FAT3: variants seen among roughly 807,000 people sequenced by gnomAD.
FAT3 encodes FAT atypical cadherin 3, also known as protocadherin Fat 3.
A neutral mutation model predicts 310.2 loss-of-function variants in FAT3; 95 were observed. That is an observed-to-expected ratio of 0.31 (90% confidence interval 0.26 to 0.36). The LOEUF (loss-of-function observed/expected upper bound fraction) is 0.36, where lower values mean the gene tolerates loss of function less well. Among genes scored for constraint, FAT3 ranks in the 10% least tolerant of loss-of-function variants. FAT3 has a pLI of 1.00. For synonymous variants in FAT3, 2,314 were observed against 2,192.9 expected (o/e 1.06, Z -1.54); for missense variants, 5,408 against 5,715.6 (o/e 0.95, Z 1.74).
At chr11:92,521,982 A>G (rs996443090) in intron 2 of FAT3, among the ~76,000 whole-genome samples, 1 of 151,984 alleles carries the variant, frequency 6.6e-6, no homozygotes, top group Non-Finnish European at 1.5e-5. Context: ...TCTCCAAAGG[A>G]CTGGGAGTCT....
intron 3 of FAT3, among the ~76,000 whole-genome samples, chr11:92,687,841 A>G (rs1198919927): frequency 6.6e-6 from 1 of 152,046 alleles, no homozygotes; most frequent in African/African-American, 2.4e-5. Context: ...GATGGAAGCC[A>G]GTATAGTATG....
At chr11:92,683,261 C>A (rs1476957466) in intron 3 of FAT3, among the ~76,000 whole-genome samples, 5 of 152,116 alleles carry the variant, frequency 3.3e-5, no homozygotes, top group African/African-American at 1.2e-4. Flanking sequence ...CACTTCCACA[C>A]TGAAAGTTAA....
chr11:92,259,637 T>C (rs1415896395), intron 1 of FAT3, among the ~76,000 whole-genome samples: 1 of 152,098 alleles, frequency 6.6e-6, no homozygotes, highest in East Asian at 1.9e-4. Context: ...TATGGATGTG[T>C]TTGTGCTCAG....
chr11:92,335,381 T>C (rs1431493310), intron 1 of FAT3, among the ~76,000 whole-genome samples: 1 of 152,170 alleles, frequency 6.6e-6, no homozygotes, highest in East Asian at 1.9e-4. Context: ...ATCGATTAGA[T>C]GATGGACAGA....
intron 1 of FAT3, among the ~76,000 whole-genome samples, chr11:92,320,876 A>AG (rs1466599493): frequency 7.5e-6 from 1 of 133,812 alleles, no homozygotes; most frequent in Non-Finnish European, 1.5e-5. Context: ...TCTCAAAAAA[A>AG]AAAAGGGGGG....
At chr11:92,725,839 T>C (rs920823067) in intron 4 of FAT3, among the ~76,000 whole-genome samples, 5 of 152,182 alleles carry the variant, frequency 3.3e-5, no homozygotes, top group African/African-American at 1.2e-4. Flanking sequence ...GTGGAATAAT[T>C]GCAAAAGCCT....
chr11:92,368,569 C>T (rs907140222), intron 2 of FAT3, among the ~76,000 whole-genome samples: 2 of 152,116 alleles, frequency 1.3e-5, no homozygotes, highest in African/African-American at 2.4e-5. Flanking sequence ...AGAACCACAT[C>T]TTCTAGTGAC....
In FAT3 at chr11:92,790,101, T is replaced by C; in HGVS notation, c.4494T>C (p.His1498=). The change falls in exon 8 of 28, where the codon CAT becomes CAC. Residue 1498 remains histidine (H), a synonymous_variant. Transcript: ENST00000525166. ...DEKHKLSYTV[H]SSIDSISMRK... is the part of the protein sequence containing the mutation. ...AGCACAAGCTGAGCTACACTGTTCATAGCAGCATCGACTCCATCAGCATGA... is the reference window on the plus strand; with the variant it reads ...AGCACAAGCTGAGCTACACTGTTCACAGCAGCATCGACTCCATCAGCATGA... The C allele has an allele frequency of 6.2e-7, 1 of 1,613,846 alleles. No individual in the cohort carries two copies. The highest frequency in any genetic ancestry group is 8.5e-7 in the Non-Finnish European group (1 of 1,179,762).
At position 92,798,141 on chromosome 11, in the gene FAT3, A is replaced by G. The variant is rs1403915300; in HGVS notation, c.5128A>G (p.Ile1710Val). 3 of 1,613,988 alleles carry G rather than the reference A, an allele frequency of 1.9e-6. No individual in the cohort carries two copies. The highest frequency in any genetic ancestry group is 2.2e-5 in the South Asian group (2 of 91,086). The change falls in exon 10 of 28, where the codon ATT becomes GTT. Residue 1710 changes from isoleucine to valine, a missense_variant. Ile to Val is a conservative substitution (Grantham distance 29). Transcript: ENST00000525166. The stretch of plus-strand genomic sequence containing the variant: ...CATTTATGAAGTCAAAGATGGAGAC[A>G]TTAATGGGATCTTTACCATAAATCC... ...TLIYEVKDGDINGIFTINPYS... is the reference protein window; with the variant it reads ...TLIYEVKDGDVNGIFTINPYS...
intron 13 of FAT3, among the ~76,000 whole-genome samples, chr11:92,828,661 G>GAA (rs1948160273): frequency 6.6e-6 from 1 of 152,142 alleles, no homozygotes; most frequent in African/African-American, 2.4e-5. Context: ...TGGTAAAGCA[G>GAA]AAAAACCCTG....
chr11:92,672,528 A>G (rs531004153), intron 3 of FAT3, among the ~76,000 whole-genome samples: 85 of 152,334 alleles, frequency 5.6e-4, no homozygotes, highest in Non-Finnish European at 8.5e-4. Context: ...GGTGACAAAC[A>G]AAGTAGCAGA....
rs1211391584 is a variant in FAT3, at chr11:92,800,070, G to A, written c.7057G>A (p.Asp2353Asn). 2 of 1,613,906 alleles carry A rather than the reference G, an allele frequency of 1.2e-6. No individual in the cohort carries two copies. Among genetic ancestry groups the A allele is most frequent in the Non-Finnish European group, 1.7e-6 (2 of 1,179,866 alleles). ...CTTAATCCTGACAGCACGAATGCTGGACCATGAGTTAGTACAACACTGCAC... is the reference window on the plus strand; with the variant it reads ...CTTAATCCTGACAGCACGAATGCTGAACCATGAGTTAGTACAACACTGCAC... ...SGLILTARML[D>N]HELVQHCTLK... Residue 2353 changes from aspartate (D) to asparagine (N), a missense_variant, in exon 10 of 28, where the codon GAC becomes AAC. By Grantham distance (23) the Asp-to-Asn change is conservative. Transcript: ENST00000525166.
chr11:92,394,519 T>G (rs1233824595), intron 2 of FAT3, among the ~76,000 whole-genome samples: 1 of 152,110 alleles, frequency 6.6e-6, no homozygotes, highest in Non-Finnish European at 1.5e-5. Flanking sequence ...TCTTATTATT[T>G]TGGGGCAACA....
intron 19 of FAT3, among the ~76,000 whole-genome samples, chr11:92,849,849 A>T (rs543745627): frequency 1.3e-5 from 2 of 152,264 alleles, no homozygotes; most frequent in South Asian, 2.1e-4. Flanking sequence ...GGCTGATGTG[A>T]TCCCCATTCC....
intron 1 of FAT3, among the ~76,000 whole-genome samples, chr11:92,239,592 T>C (rs1187166): frequency 0.2 from 30,352 of 152,026 alleles, 3,227 homozygotes; most frequent in East Asian, 0.38. Flanking sequence ...AACTTCAGAA[T>C]TGCTTTGAGT....
intron 6 of FAT3, among the ~76,000 whole-genome samples, chr11:92,768,422 A>C (rs1227964229): frequency 6.6e-6 from 1 of 152,260 alleles, no homozygotes; most frequent in Non-Finnish European, 1.5e-5. Flanking sequence ...TGGTTACTTC[A>C]GTATTGATAT....
intron 14 of FAT3, 138 bp from the exon 15 acceptor site, chr11:92,834,732 G>A: frequency 1.4e-6 from 1 of 733,106 alleles, no homozygotes; most frequent in Non-Finnish European, 2.2e-6. Context: ...AATACTTTCA[G>A]TAAGGCATTA....
intron 3 of FAT3, among the ~76,000 whole-genome samples, chr11:92,625,458 G>T (rs78584664): frequency 7.9e-5 from 12 of 152,098 alleles, no homozygotes; most frequent in African/African-American, 2.7e-4. Context: ...GACAGTGGTT[G>T]TTATCATCAA....
chr11:92,547,349 T>C (rs1368787070), intron 3 of FAT3, among the ~76,000 whole-genome samples: 1 of 152,052 alleles, frequency 6.6e-6, no homozygotes, highest in African/African-American at 2.4e-5. Flanking sequence ...TAGTTCAAAT[T>C]GAAAAGAAGC....
Sources: allele counts gnomAD v4.1 joint callset (sites outside exome capture counted in the v4.1 genomes callset), GRCh38; gene constraint gnomAD v4.1.1; transcripts MANE v1.5; gene names NCBI Gene and HGNC (gene_info 2026-07-23, HGNC 2026-07-21).